GRIA2: variants seen among roughly 807,000 people sequenced by gnomAD.
GRIA2 encodes the protein glutamate receptor 2.
A neutral mutation model predicts 97.3 loss-of-function variants in GRIA2; 14 were observed. That is an observed-to-expected ratio of 0.14 (90% confidence interval 0.10 to 0.23). The LOEUF (loss-of-function observed/expected upper bound fraction) is 0.23. GRIA2 is among the 10% of genes least tolerant of loss of function. The pLI is 1.00. For synonymous variants in GRIA2, 412 were observed against 387.8 expected, an observed-to-expected ratio of 1.06 and a Z score of -0.73; for missense variants, 558 against 1,069.8, an observed-to-expected ratio of 0.52 and a Z score of 6.67.
intron 12 of GRIA2, among the ~76,000 whole-genome samples, chr4:157,352,125 T>A (rs1736034641): frequency 6.6e-6 from 1 of 152,220 alleles, no homozygotes; most frequent in Non-Finnish European, 1.5e-5. Flanking sequence ...ATGTAGATAT[T>A]TACTGGATTG....
chr4:157,256,278 A>T (rs1731267607), intron 2 of GRIA2, among the ~76,000 whole-genome samples: 1 of 132,582 alleles, frequency 7.5e-6, no homozygotes, highest in Admixed American at 8.1e-5. Flanking sequence ...TATATATGTT[A>T]TATATTACAT....
At chr4:157,260,511 C>T (rs114503372) in intron 2 of GRIA2, among the ~76,000 whole-genome samples, 40 of 152,064 alleles carry the variant, frequency 2.6e-4, no homozygotes, top group African/African-American at 8.7e-4. Context: ...GCACCATGAA[C>T]GAGGAAGTGA....
intron 2 of GRIA2, among the ~76,000 whole-genome samples, chr4:157,245,749 C>T (rs962142384): frequency 2.0e-5 from 3 of 152,054 alleles, no homozygotes; most frequent in Non-Finnish European, 4.4e-5. Context: ...CTCTTCTTGT[C>T]AAGGAGTTTT....
chr4:157,222,936 G>A (rs1729572102), intron 2 of GRIA2, among the ~76,000 whole-genome samples: 2 of 152,204 alleles, frequency 1.3e-5, no homozygotes, highest in Non-Finnish European at 2.9e-5. Context: ...CCCAGCAGCT[G>A]CCATCATTTC....
At chr4:157,296,966 A>G (rs546980369) in intron 2 of GRIA2, among the ~76,000 whole-genome samples, 1 of 152,338 alleles carries the variant, frequency 6.6e-6, no homozygotes, top group Non-Finnish European at 1.5e-5. Context: ...ATGCAGGAGC[A>G]GCTTGTAATT....
At chr4:157,311,086 T>G (rs1389297425) in intron 3 of GRIA2, among the ~76,000 whole-genome samples, 1 of 152,046 alleles carries the variant, frequency 6.6e-6, no homozygotes, top group African/African-American at 2.4e-5. Context: ...TTCAAATATA[T>G]ATTCATCCAT....
intron 2 of GRIA2, among the ~76,000 whole-genome samples, chr4:157,300,794 G>A (rs1393640283): frequency 6.6e-6 from 1 of 152,126 alleles, no homozygotes; most frequent in Non-Finnish European, 1.5e-5. Flanking sequence ...TCCTTATGAA[G>A]TTGTGTGCAG....
At chr4:157,258,174 C>T (rs902628563) in intron 2 of GRIA2, among the ~76,000 whole-genome samples, 1 of 152,032 alleles carries the variant, frequency 6.6e-6, no homozygotes, top group Non-Finnish European at 1.5e-5. Flanking sequence ...AGGATAACAG[C>T]AATGTTCAGG....
chr4:157,305,813 T>C (rs1229219384), intron 3 of GRIA2, among the ~76,000 whole-genome samples: 1 of 152,110 alleles, frequency 6.6e-6, no homozygotes, highest in East Asian at 1.9e-4. Context: ...ACTTAAGAAT[T>C]GCCTATTGAG....
rs184478652 is a variant in GRIA2 at position 157,266,457 on chromosome 4, C to T, written c.230-37095C>T. Among the ~76,000 whole-genome samples, 92 of 151,836 alleles carry T rather than the reference C, an allele frequency of 6.1e-4. 1 individual carries two copies. The highest frequency in any genetic ancestry group is 2.1e-3 in the African/African-American group (88 of 41,470). ...AAACAATGCTTAAAGAGTGTGGTGTCGTGGAAGGCAAGAAAAAGCGGTTTC... is the reference window on the plus strand; with the variant it reads ...AAACAATGCTTAAAGAGTGTGGTGTTGTGGAAGGCAAGAAAAAGCGGTTTC... On this transcript the variant is annotated intron_variant, in intron 2 of 15. Coordinates refer to ENST00000264426, the MANE Select transcript of GRIA2 (RefSeq NM_001083619.3).
intron 12 of GRIA2, among the ~76,000 whole-genome samples, chr4:157,345,206 C>A (rs1281503414): frequency 6.6e-6 from 1 of 151,990 alleles, no homozygotes; most frequent in African/African-American, 2.4e-5. Flanking sequence ...CTATACTTTT[C>A]TTCAGTGATG....
intron 2 of GRIA2, among the ~76,000 whole-genome samples, chr4:157,282,189 T>G (rs1661971725): frequency 6.6e-6 from 1 of 152,086 alleles, no homozygotes; most frequent in Non-Finnish European, 1.5e-5. Context: ...CTCTGTCCAT[T>G]GTGCGGTCCC....
chr4:157,306,090 A>C (rs182377823), intron 3 of GRIA2, among the ~76,000 whole-genome samples: 1 of 152,200 alleles, frequency 6.6e-6, no homozygotes, highest in African/African-American at 2.4e-5. Context: ...TTTTGCTTGC[A>C]AAATTGAAGA....
intron 2 of GRIA2, among the ~76,000 whole-genome samples, chr4:157,297,953 G>A (rs971744553): frequency 7.9e-5 from 12 of 152,022 alleles, no homozygotes; most frequent in Admixed American, 3.9e-4. Flanking sequence ...AAGGATGACA[G>A]CTAGGGTGAT....
chr4:157,365,167 A>G lies in GRIA2; in HGVS notation c.*1736A>G, dbSNP rs1245119450. 2 of 151,724 alleles carry G rather than the reference A, an allele frequency of 1.3e-5. No homozygotes were observed. The highest frequency in any genetic ancestry group is 6.6e-5 in the Admixed American group (1 of 15,190). 9.4% of individuals were successfully genotyped at this position (151,724 alleles called of 1,614,324 possible). The stretch of plus-strand genomic sequence containing the variant: ...TTCATAGAAGGGAAGGAAAAATGTA[A>G]GGTTTAACAGTAAGCACTTGCATTG... On this transcript the variant is annotated 3_prime_UTR_variant, in exon 16 of 16. Transcript: ENST00000264426.
rs1402076505 is a variant in GRIA2 at position 157,261,163 on chromosome 4, C to T, written c.229+39356C>T. 2.6e-5 allele frequency among the ~76,000 whole-genome samples: 4 copies of T among 152,038 alleles called. No homozygotes were observed. In the South Asian group the frequency reaches 6.2e-4, roughly 24 times the overall value. ...TCACAATCGTGGCAAAGGTGAAGGA[C>T]GAGCAAAGGCACATCTTACATGGCG... On this transcript the variant is annotated intron_variant, in intron 2 of 15. Transcript: ENST00000264426.
chr4:157,256,084 C>T (rs894760873), intron 2 of GRIA2, among the ~76,000 whole-genome samples: 10 of 143,204 alleles, frequency 7.0e-5, no homozygotes, highest in African/African-American at 2.5e-4. Context: ...TCTATAGGTA[C>T]CAATAAAATG....
chr4:157,340,777 T>A (rs1211484152), intron 11 of GRIA2, among the ~76,000 whole-genome samples: 1 of 152,020 alleles, frequency 6.6e-6, no homozygotes, highest in African/African-American at 2.4e-5. Flanking sequence ...GAGGCCTTTT[T>A]TGTTTTGGAA....
intron 2 of GRIA2, among the ~76,000 whole-genome samples, chr4:157,226,738 G>A (rs1054697129): frequency 6.6e-6 from 1 of 152,028 alleles, no homozygotes; most frequent in African/African-American, 2.4e-5. Context: ...TGTCATGTTT[G>A]TTGAGGTATT....
Sources: gnomAD v4.1 joint callset for allele counts (sites outside exome capture counted in the v4.1 genomes callset) on GRCh38, gnomAD v4.1.1 for gene constraint, MANE v1.5 for transcripts, NCBI Gene and HGNC (gene_info 2026-07-23, HGNC 2026-07-21) for gene names.